RBFOX1: variants seen among roughly 807,000 people sequenced by gnomAD.
RBFOX1 encodes the protein RNA binding fox-1 homolog 1.
In RBFOX1, 8 loss-of-function variants were observed where a neutral mutation model predicts 57.7. That is an observed-to-expected ratio of 0.14 (90% confidence interval 0.08 to 0.25). The LOEUF is 0.25. RBFOX1 is among the 10% of genes least tolerant of loss of function. RBFOX1 has a pLI of 1.00. For synonymous variants in RBFOX1, 326 were observed against 222.4 expected (o/e 1.47, Z -4.15); for missense variants, 611 against 548.5 (o/e 1.11, Z -1.14).
chr16:5,445,591 C>T (rs1231218273), intron 1 of RBFOX1, among the ~76,000 whole-genome samples: 5 of 152,208 alleles, frequency 3.3e-5, no homozygotes, highest in Non-Finnish European at 4.4e-5. Context: ...TGAGGACAGT[C>T]AGAGGTGGAG....
intron 3 of RBFOX1, among the ~76,000 whole-genome samples, chr16:5,843,359 T>C (rs1376485123): frequency 6.6e-6 from 1 of 152,238 alleles, no homozygotes; most frequent in Non-Finnish European, 1.5e-5. Context: ...TCTCATTATT[T>C]AGCTCCTACT....
At chr16:5,561,771 T>G (rs1014538035) in intron 2 of RBFOX1, among the ~76,000 whole-genome samples, 10 of 152,120 alleles carry the variant, frequency 6.6e-5, no homozygotes, top group African/African-American at 2.4e-4. Flanking sequence ...GAGGGTCACT[T>G]GTTCTACCCT....
chr16:7,384,364 G>A (rs894615756), intron 4 of RBFOX1, among the ~76,000 whole-genome samples: 3 of 152,126 alleles, frequency 2.0e-5, no homozygotes, highest in African/African-American at 7.2e-5. Flanking sequence ...ATATAGCTCA[G>A]GTGCAACAGG....
At chr16:5,381,909 G>C (rs1439801285) in intron 1 of RBFOX1, among the ~76,000 whole-genome samples, 1 of 152,166 alleles carries the variant, frequency 6.6e-6, no homozygotes, top group Non-Finnish European at 1.5e-5. Context: ...TTGACATTTG[G>C]GGCTGATCAT....
intron 1 of RBFOX1, among the ~76,000 whole-genome samples, chr16:5,465,794 G>A (rs1319174989): frequency 6.6e-6 from 1 of 152,218 alleles, no homozygotes; most frequent in Non-Finnish European, 1.5e-5. Context: ...AGTAGGCTGA[G>A]GAATTTGAGA....
intron 2 of RBFOX1, chr16:6,577,236 G>A (rs1161469372): frequency 6.6e-6 from 1 of 152,130 alleles, no homozygotes; most frequent in Admixed American, 6.5e-5. Context: ...TCATCTGGAG[G>A]GTGTCTGTAA....
rs201601296 is a variant in RBFOX1 at position 6,674,510 on chromosome 16, C to T, written c.-16+19860C>T. 4.6e-5 allele frequency among the ~76,000 whole-genome samples: 7 copies of T among 151,950 alleles called. No individual in the cohort carries two copies. In the East Asian group the frequency reaches 7.8e-4, roughly 17 times the overall value. On this transcript the variant is annotated intron_variant, in intron 3 of 15. Coordinates refer to ENST00000550418, the MANE Select transcript of RBFOX1 (RefSeq NM_018723.4). ...CTAATTTTTGTATTTTTAGTAGAGA[C>T]GGGGTTTCGTCATGTTGATCAGGAT...
At chr16:7,399,581 C>T (rs146905273) in intron 4 of RBFOX1, among the ~76,000 whole-genome samples, 1 of 152,306 alleles carries the variant, frequency 6.6e-6, no homozygotes, top group East Asian at 1.9e-4. Flanking sequence ...TGGTGTCTGT[C>T]AATACCTGAC....
chr16:6,044,920 T>A (rs1408001891), intron 1 of RBFOX1, among the ~76,000 whole-genome samples: 2 of 152,184 alleles, frequency 1.3e-5, no homozygotes, highest in Admixed American at 1.3e-4. Flanking sequence ...TAGACCAACT[T>A]TGTAAAATTT....
intron 3 of RBFOX1, among the ~76,000 whole-genome samples, chr16:7,037,689 C>A (rs1359622335): frequency 6.6e-6 from 1 of 152,168 alleles, no homozygotes; most frequent in African/African-American, 2.4e-5. Flanking sequence ...CATGTGATGA[C>A]CCTGTGGGGC....
chr16:7,341,013 A>G (rs889575209), intron 4 of RBFOX1, among the ~76,000 whole-genome samples: 7 of 152,182 alleles, frequency 4.6e-5, no homozygotes, highest in South Asian at 2.1e-4. Context: ...GTGTTCGGCA[A>G]TGTGAGCTTT....
intron 4 of RBFOX1, among the ~76,000 whole-genome samples, chr16:5,999,328 G>C (rs1201097983): frequency 6.6e-6 from 1 of 152,116 alleles, no homozygotes; most frequent in Non-Finnish European, 1.5e-5. Context: ...TTTTCTCTCA[G>C]CTCAGACATC....
chr16:6,323,849 T>C (rs35652815), intron 2 of RBFOX1, among the ~76,000 whole-genome samples: 26,135 of 152,056 alleles, frequency 0.17, 2,792 homozygotes, highest in South Asian at 0.28. Context: ...ATCTGCTCAC[T>C]GCAACCTACA....
chr16:6,791,714 G>A (rs1337997277), intron 3 of RBFOX1, among the ~76,000 whole-genome samples: 3 of 152,248 alleles, frequency 2.0e-5, no homozygotes, highest in East Asian at 3.9e-4. Context: ...AGCAGAGATC[G>A]TGCCACACTG....
chr16:6,517,079 T>A (rs1384333201), intron 2 of RBFOX1, among the ~76,000 whole-genome samples: 1 of 152,184 alleles, frequency 6.6e-6, no homozygotes, highest in South Asian at 2.1e-4. Context: ...GTGGAAGGCA[T>A]GTCCAAGGTT....
At chr16:5,439,037 G>C (rs1015380540) in intron 1 of RBFOX1, among the ~76,000 whole-genome samples, 12 of 150,502 alleles carry the variant, frequency 8.0e-5, no homozygotes, top group Admixed American at 4.6e-4. Context: ...AATAATGGGG[G>C]GGGGGGCATA....
intron 2 of RBFOX1, among the ~76,000 whole-genome samples, chr16:5,559,434 A>G (rs1193579366): frequency 1.3e-5 from 2 of 152,156 alleles, no homozygotes; most frequent in East Asian, 1.9e-4. Flanking sequence ...GAGGAAATAG[A>G]CTTATTTACA....
At chr16:7,501,828 A>T (rs2070989383) in intron 4 of RBFOX1, among the ~76,000 whole-genome samples, 1 of 152,120 alleles carries the variant, frequency 6.6e-6, no homozygotes, top group African/African-American at 2.4e-5. Flanking sequence ...CACATACCCT[A>T]TTGCACTGTA....
intron 4 of RBFOX1, among the ~76,000 whole-genome samples, chr16:5,962,335 G>T (rs17717574): frequency 6.6e-6 from 1 of 152,096 alleles, no homozygotes; most frequent in Non-Finnish European, 1.5e-5. Flanking sequence ...ACTGCTATCA[G>T]GACAGTTTTC....
Sources: gnomAD v4.1 joint callset for allele counts (sites outside exome capture counted in the v4.1 genomes callset) on GRCh38, gnomAD v4.1.1 for gene constraint, MANE v1.5 for transcripts, NCBI Gene and HGNC (gene_info 2026-07-23, HGNC 2026-07-21) for gene names.